Variants in MRE11 observed in about 807,000 individuals in gnomAD.
The protein encoded by MRE11 is double-strand break repair protein MRE11.
MRE11 carries 62 observed loss-of-function variants against 91.7 expected under a neutral mutation model. That is an observed-to-expected ratio of 0.68 (90% CI 0.55 to 0.84). The LOEUF (loss-of-function observed/expected upper bound fraction) is 0.84, where lower values mean the gene tolerates loss of function less well. Among genes scored for constraint, MRE11 ranks in the 40% least tolerant of loss-of-function variants. MRE11 has a pLI of 0.00. For synonymous variants in MRE11, 273 were observed against 271.4 expected (o/e 1.01, Z -0.06); for missense variants, 796 against 852.9 (o/e 0.93, Z 0.83).
chr11:94,454,967 T>C (rs1946209446), intron 14 of MRE11, among the ~76,000 whole-genome samples: 1 of 152,226 alleles, frequency 6.6e-6, no homozygotes, highest in Admixed American at 6.5e-5. Context: ...ATAAACGTGT[T>C]AAGCCATTTC....
rs148637964 is a variant in MRE11 at position 94,445,866 on chromosome 11, C to G, written c.1811G>C (p.Arg604Pro). 1.0e-4 allele frequency: 166 copies of G among 1,613,744 alleles called. 2 individuals are homozygous for G. In the African/African-American group the frequency reaches 1.9e-3, roughly 18 times the overall value. Residue 604 changes from arginine (R) to proline (P), a missense_variant, in exon 16 of 20, where the codon CGT becomes CCT. Physicochemically the swap from Arg to Pro is moderately radical, Grantham distance 103. Coordinates refer to ENST00000323929, the MANE Select transcript of MRE11 (RefSeq NM_005591.4). Reference protein sequence around the residue: ...RADTGLETSTRSRNSKTAVSA... With the variant: ...RADTGLETSTPSRNSKTAVSA... ...CACAGCAGTCTTTGAGTTCCTGCTA[C>G]GGGTAGAAGTCTCCAGACCAGTGTC...
chr11:94,481,031 G>A (rs914259380), intron 4 of MRE11, among the ~76,000 whole-genome samples: 12 of 152,118 alleles, frequency 7.9e-5, no homozygotes, highest in South Asian at 2.1e-4. Flanking sequence ...GGTTTAGGCC[G>A]GATGCGGTGG....
the MRE11 span, chr11:94,499,614 C>G: frequency 6.6e-6 from 1 of 152,138 alleles, no homozygotes; most frequent in African/African-American, 2.4e-5. Context: ...CTGTGTATGT[C>G]TTTCTTGGAT....
intron 19 of MRE11, 136 bp downstream of exon 19, chr11:94,429,775 C>T: frequency 1.3e-6 from 1 of 742,580 alleles, no homozygotes; most frequent in South Asian, 1.8e-5. Context: ...TGTAACAAAC[C>T]TGCACATGTA....
intron 19 of MRE11, among the ~76,000 whole-genome samples, chr11:94,428,888 T>A (rs1310385797): frequency 6.6e-6 from 1 of 150,928 alleles, no homozygotes; most frequent in Non-Finnish European, 1.5e-5. Flanking sequence ...AAAGAAACTA[T>A]CAACAGAGTA....
rs587780135 is a variant in MRE11, at chr11:94,464,117, T to G, written c.1221A>C (p.Lys407Asn). 8.1e-6 allele frequency: 13 copies of G among 1,613,158 alleles called. No individual in the cohort carries two copies. The East Asian group carries it at 2.7e-4, about 33-fold the overall frequency. ...TCATAAAAATAACTAGCTTACCTGT[T>G]TTTTCCTTTTGTTCTCTATGCCTGA... ...HFFRHREQKE[K>N]TGEEINFGKL... The change falls in exon 11 of 20, where the codon AAA (lysine) becomes AAC (asparagine). Residue 407 changes from lysine (K) to asparagine (N), a missense_variant. Lys to Asn is a moderately conservative substitution (Grantham distance 94). Coordinates refer to ENST00000323929, the MANE Select transcript of MRE11 (RefSeq NM_005591.4).
At chr11:94,420,270 G>A (rs1945135981) in intron 19 of MRE11, 89 bp from the exon 20 acceptor site, 3 of 1,010,816 alleles carry the variant, frequency 3.0e-6, no homozygotes, top group African/African-American at 1.6e-5. Flanking sequence ...CAATACCAGT[G>A]AGAGTCATTT....
intron 3 of MRE11, 95 bp downstream of exon 3, chr11:94,490,738 T>C: frequency 6.9e-7 from 1 of 1,439,074 alleles, no homozygotes; most frequent in South Asian, 1.2e-5. Flanking sequence ...GGTAAGCACC[T>C]GAGCTTATAA....
At chr11:94,428,362 C>T (rs1591632190) in intron 19 of MRE11, among the ~76,000 whole-genome samples, 1 of 152,220 alleles carries the variant, frequency 6.6e-6, no homozygotes, top group East Asian at 1.9e-4. Context: ...TGGATCCCTA[C>T]CTTTCACCAT....
chr11:94,458,167 A>G (rs1946311844), intron 13 of MRE11, among the ~76,000 whole-genome samples: 1 of 151,964 alleles, frequency 6.6e-6, no homozygotes, highest in South Asian at 2.1e-4. Context: ...CAAAAGCACT[A>G]AAATAAGGGA....
rs373002609 is a variant in MRE11, at chr11:94,419,465, G to GGGGAGAGAGAGAGAGAGAGAGAGA, written c.*659_*660insTCTCTCTCTCTCTCTCTCTCTCCC. 57 of 216,402 alleles carry GGGGAGAGAGAGAGAGAGAGAGAGA rather than the reference G, an allele frequency of 2.6e-4. No individual in the cohort carries two copies. Among genetic ancestry groups the GGGGAGAGAGAGAGAGAGAGAGAGA allele is most frequent in the Middle Eastern group, 1.4e-3 (1 of 720 alleles). The allele number at this position is 216,402 out of a possible 1,614,324, so 13.4% of individuals were successfully genotyped here. A position where few individuals can be genotyped will look rare whatever the true frequency, so the allele number is the denominator to read the frequency against. ...GAAGAGTGGGGAACGGGGGGGAGAG[G>GGGGAGAGAGAGAGAGAGAGAGAGA]GAGAGAGAGAGAGAGAGAGAGAGAG... On this transcript the variant is annotated 3_prime_UTR_variant, in exon 20 of 20. Coordinates refer to ENST00000323929, the MANE Select transcript of MRE11 (RefSeq NM_005591.4).
Position 94,488,956 on chromosome 11 carries a change from C to T in MRE11, c.153+1877G>A, listed in dbSNP as rs12277017. Among the ~76,000 whole-genome samples the T allele has an allele frequency of 8.9e-3, 1,354 of 151,994 alleles. 20 individuals carry two copies. Among genetic ancestry groups the T allele is most frequent in the African/African-American group, 0.03 (1,256 of 41,446 alleles). On this transcript the variant is annotated intron_variant, in intron 3 of 19. Coordinates refer to ENST00000323929, the MANE Select transcript of MRE11 (RefSeq NM_005591.4). ...TGAACCTAAAATAAAAGAAAGAATC[C>T]AGCCATTGCCTCACTTAATTAAGAA...
chr11:94,475,568 A>T (rs895668517), intron 7 of MRE11: 10 of 455,702 alleles, frequency 2.2e-5, no homozygotes, highest in Middle Eastern at 3.3e-4. Flanking sequence ...CAGTGATCAG[A>T]TAATAAATCT....
intron 14 of MRE11, among the ~76,000 whole-genome samples, chr11:94,450,564 C>A (rs1946072817): frequency 6.6e-6 from 1 of 151,824 alleles, no homozygotes; most frequent in Non-Finnish European, 1.5e-5. Context: ...AATCATCATG[C>A]AATAAAATAA....
chr11:94,418,343 T>A lies in MRE11; in HGVS notation c.*1782A>T. 4.3e-6 allele frequency: 1 copy of A among 233,080 alleles called. No individual in the cohort carries two copies. The highest frequency in any genetic ancestry group is 6.0e-5 in the East Asian group (1 of 16,544). The allele number at this position is 233,080 out of a possible 1,614,324, so 14.4% of individuals were successfully genotyped here. A position where few individuals can be genotyped will look rare whatever the true frequency, so the allele number is the denominator to read the frequency against. On this transcript the variant is annotated 3_prime_UTR_variant, in exon 20 of 20. Transcript: ENST00000323929. ...GTCATCACTTTCCTTAGCGGTGAAC[T>A]GAATCGCATTTAGTACCTCTTTTCA...
intron 2 of MRE11, among the ~76,000 whole-genome samples, chr11:94,491,329 A>T (rs1947278280): frequency 6.6e-6 from 1 of 152,202 alleles, no homozygotes; most frequent in Non-Finnish European, 1.5e-5. Context: ...TCTTCCAGGA[A>T]AATCGAAGTT....
At chr11:94,501,360 A>G in the MRE11 span, among the ~76,000 whole-genome samples, 1 of 152,212 alleles carries the variant, frequency 6.6e-6, no homozygotes, top group African/African-American at 2.4e-5. Flanking sequence ...GACTCATGCA[A>G]TAAGGACAGA....
upstream of MRE11, chr11:94,498,710 C>T: frequency 1.6e-6 from 1 of 609,192 alleles, no homozygotes; most frequent in Non-Finnish European, 2.8e-6. Flanking sequence ...AAGTAATTTG[C>T]ATATATCTTT....
chr11:94,474,472 G>C lies in MRE11; in HGVS notation c.659+1817C>G, dbSNP rs77433006. Among the ~76,000 whole-genome samples, 219 of 151,376 alleles carry C rather than the reference G, an allele frequency of 1.4e-3. 1 individual carries two copies. In the East Asian group the frequency reaches 0.026, roughly 18 times the overall value. ...ATAAGTAAGTAAATAGAGAAGAAGG[G>C]ACAAATTTTCCTTACAGAAGAATTC... On this transcript the variant is annotated intron_variant, in intron 7 of 19. Coordinates refer to ENST00000323929, the MANE Select transcript of MRE11 (RefSeq NM_005591.4).
Sources: allele counts gnomAD v4.1 joint callset (sites outside exome capture counted in the v4.1 genomes callset), GRCh38; gene constraint gnomAD v4.1.1; transcripts MANE v1.5; gene names NCBI Gene and HGNC (gene_info 2026-07-23, HGNC 2026-07-21).